UNC13C: variants seen among roughly 807,000 people sequenced by gnomAD.
UNC13C encodes unc-13 homolog C, also known as protein unc-13 homolog C.
UNC13C carries 174 observed loss-of-function variants against 245.4 expected under a neutral mutation model. The observed-to-expected ratio is 0.71, with a 90% CI of 0.63 to 0.80. The LOEUF (loss-of-function observed/expected upper bound fraction) is 0.80, where lower values mean the gene tolerates loss of function less well. UNC13C is among the 30% of genes least tolerant of loss of function. The pLI, the probability that UNC13C is intolerant of heterozygous loss-of-function variation, is 0.00. For synonymous variants in UNC13C, 992 were observed against 895.1 expected (o/e 1.11, Z -1.93); for missense variants, 2,829 against 2,602.9 (o/e 1.09, Z -1.89).
the UNC13C span, among the ~76,000 whole-genome samples, chr15:53,965,656 G>A: frequency 2.7e-4 from 41 of 151,682 alleles, no homozygotes; most frequent in African/African-American, 9.4e-4. Context: ...ATGTTGGTGT[G>A]CTGCACCCAC....
intron 4 of UNC13C, among the ~76,000 whole-genome samples, chr15:54,173,498 T>C (rs557461103): frequency 5.9e-5 from 9 of 152,210 alleles, no homozygotes; most frequent in East Asian, 5.8e-4. Flanking sequence ...TTTATATCTT[T>C]AAAATTTCAT....
At chr15:54,341,942 C>CTCCA (rs1374542087) in intron 17 of UNC13C, among the ~76,000 whole-genome samples, 1 of 150,332 alleles carries the variant, frequency 6.7e-6, no homozygotes, top group African/African-American at 2.4e-5. Flanking sequence ...CACCACTGCA[C>CTCCA]TCCAGCCTGG....
chr15:54,458,627 T>C (rs112922922), intron 19 of UNC13C, among the ~76,000 whole-genome samples: 20 of 151,490 alleles, frequency 1.3e-4, no homozygotes, highest in African/African-American at 4.8e-4. Context: ...ACTAACCCTT[T>C]TATCATTATA....
At chr15:54,329,523 G>A (rs946594647) in intron 14 of UNC13C, among the ~76,000 whole-genome samples, 1 of 151,902 alleles carries the variant, frequency 6.6e-6, no homozygotes, top group African/African-American at 2.4e-5. Flanking sequence ...TGTCCCTTGG[G>A]GAAACATTTT....
upstream of UNC13C, chr15:53,976,921 G>A (rs1228341183): frequency 6.6e-6 from 1 of 152,152 alleles, no homozygotes; most frequent in Non-Finnish European, 1.5e-5. Context: ...TGGCTAGCAT[G>A]AGTTTTTCTG....
At chr15:53,877,592 A>AGAATAGG in the UNC13C span, among the ~76,000 whole-genome samples, 1 of 151,698 alleles carries the variant, frequency 6.6e-6, no homozygotes, top group Non-Finnish European at 1.5e-5. Context: ...AGAGAGAAGG[A>AGAATAGG]GAATAGGGAG....
intron 2 of UNC13C, among the ~76,000 whole-genome samples, chr15:54,060,081 C>G (rs1290447253): frequency 6.6e-6 from 1 of 152,068 alleles, no homozygotes; most frequent in African/African-American, 2.4e-5. Flanking sequence ...TCTAAAACAC[C>G]AAAAGCAATG....
chr15:54,389,799 G>C (rs970153967), intron 17 of UNC13C, among the ~76,000 whole-genome samples: 6 of 151,700 alleles, frequency 4.0e-5, no homozygotes, highest in Non-Finnish European at 8.8e-5. Context: ...CACAATCTTG[G>C]CTCACTGCAA....
At chr15:54,216,980 G>A (rs2899537) in intron 4 of UNC13C, among the ~76,000 whole-genome samples, 2,240 of 151,988 alleles carry the variant, frequency 0.015, 51 homozygotes, top group African/African-American at 0.051. Context: ...AGATCATCAG[G>A]TTACTTTAGA....
the UNC13C span, among the ~76,000 whole-genome samples, chr15:53,935,871 A>G: frequency 6.6e-6 from 1 of 152,122 alleles, no homozygotes; most frequent in Non-Finnish European, 1.5e-5. Context: ...AAGCACAGAG[A>G]TGTGCAAAGT....
chr15:54,141,425 G>C (rs1054770665), intron 2 of UNC13C, among the ~76,000 whole-genome samples: 3 of 152,016 alleles, frequency 2.0e-5, no homozygotes, highest in Non-Finnish European at 4.4e-5. Context: ...AATGGTGATG[G>C]AAATGCCCTA....
chr15:54,188,691 A>G (rs2034079403), intron 4 of UNC13C, among the ~76,000 whole-genome samples: 1 of 152,188 alleles, frequency 6.6e-6, no homozygotes, highest in African/African-American at 2.4e-5. Context: ...TTTGTTAAGC[A>G]TCTGTTATGT....
the UNC13C span, among the ~76,000 whole-genome samples, chr15:53,928,216 A>G: frequency 6.6e-6 from 1 of 152,204 alleles, no homozygotes; most frequent in Non-Finnish European, 1.5e-5. Context: ...ATATTTATTA[A>G]CAGCAAACCA....
intron 17 of UNC13C, among the ~76,000 whole-genome samples, chr15:54,391,084 A>G (rs1285960590): frequency 1.3e-5 from 2 of 152,154 alleles, no homozygotes; most frequent in African/African-American, 2.4e-5. Context: ...GCATATTTCA[A>G]CTACTTCTGT....
chr15:53,906,983 A>ACC, the UNC13C span, among the ~76,000 whole-genome samples: 7 of 151,386 alleles, frequency 4.6e-5, no homozygotes, highest in Non-Finnish European at 1.0e-4. Context: ...TAATCCAACC[A>ACC]CCCCCCTCTC....
chr15:53,916,139 C>G, the UNC13C span, among the ~76,000 whole-genome samples: 8 of 152,152 alleles, frequency 5.3e-5, no homozygotes, highest in African/African-American at 1.9e-4. Context: ...AGACAGAGTT[C>G]GAAGAATGGT....
chr15:54,036,592 G>A (rs751585370), intron 2 of UNC13C, among the ~76,000 whole-genome samples: 1 of 152,088 alleles, frequency 6.6e-6, no homozygotes, highest in Non-Finnish European at 1.5e-5. Flanking sequence ...AAGAGGGGAG[G>A]GATAGAGCCC....
intron 29 of UNC13C, among the ~76,000 whole-genome samples, chr15:54,557,505 G>C (rs1231054134): frequency 4.0e-5 from 6 of 151,830 alleles, no homozygotes; most frequent in African/African-American, 1.5e-4. Flanking sequence ...TGACTACAAA[G>C]GAATTCAAGA....
intron 30 of UNC13C, among the ~76,000 whole-genome samples, chr15:54,589,717 C>G (rs1898684416): frequency 6.6e-6 from 1 of 151,706 alleles, no homozygotes. Context: ...AGTCCTTTGT[C>G]AGAAGTATAG....
Sources: allele counts gnomAD v4.1 joint callset (sites outside exome capture counted in the v4.1 genomes callset), GRCh38; gene constraint gnomAD v4.1.1; transcripts MANE v1.5; gene names NCBI Gene and HGNC (gene_info 2026-07-23, HGNC 2026-07-21).